Variants in MTERF4 observed in about 807,000 individuals in gnomAD.
MTERF4 encodes the protein transcription termination factor 4, mitochondrial.
A neutral mutation model predicts 22.5 loss-of-function variants in MTERF4; 17 were observed. The ratio of observed to expected loss-of-function variants is 0.75; its 90% CI spans 0.52 to 1.13. The LOEUF is 1.13. Ranked by LOEUF, MTERF4 falls within the 50% of genes most tolerant of loss-of-function variation. The probability of loss-of-function intolerance (pLI) is 0.00; values close to 1 mark genes in which losing one functional copy is unlikely to be tolerated. For synonymous variants in MTERF4, 165 were observed against 175.3 expected, an observed-to-expected ratio of 0.94 and a Z score of 0.47; for missense variants, 420 against 466.8, an observed-to-expected ratio of 0.90 and a Z score of 0.92.
At chr2:241,065,201 C>A in the MTERF4 span, 1 of 1,284,164 alleles carries the variant, frequency 7.8e-7, no homozygotes, top group Non-Finnish European at 1.1e-6. Context: ...CTGTGTCAGG[C>A]CCAAGAGCCA....
the MTERF4 span, among the ~76,000 whole-genome samples, chr2:241,045,386 C>T: frequency 6.6e-6 from 1 of 152,132 alleles, no homozygotes; most frequent in Non-Finnish European, 1.5e-5. Flanking sequence ...AATCACACTA[C>T]TGAGTATTAA....
the MTERF4 span, chr2:241,052,284 G>A: frequency 6.9e-7 from 1 of 1,455,208 alleles, no homozygotes; most frequent in Non-Finnish European, 9.5e-7. Context: ...GGTGCAGGAG[G>A]CAGGATGCCC....
intron 4 of MTERF4, chr2:241,081,727 G>A (rs761417951): frequency 2.5e-6 from 4 of 1,609,866 alleles, no homozygotes; most frequent in South Asian, 2.2e-5. Flanking sequence ...AGGCACTTGT[G>A]TGCCGGGCGC....
At chr2:241,069,646 G>A (rs914721061), downstream of MTERF4, among the ~76,000 whole-genome samples, 6 of 152,194 alleles carry the variant, frequency 3.9e-5, no homozygotes, top group Non-Finnish European at 8.8e-5. This position sits in a 1 kb window ranked among gnomAD's most constrained non-coding sequence, Gnocchi z 4.9. Flanking sequence ...GTGCCGCAGG[G>A]AGGGCGCCAG....
chr2:241,064,802 T>G, the MTERF4 span: 2 of 1,420,672 alleles, frequency 1.4e-6, no homozygotes, highest in African/African-American at 3.0e-5. This position sits in a 1 kb window ranked among gnomAD's most constrained non-coding sequence, Gnocchi z 7.0. Flanking sequence ...CAGGGACCCC[T>G]GGCCACGCCC....
chr2:241,062,720 C>T, the MTERF4 span: 3 of 980,222 alleles, frequency 3.1e-6, no homozygotes, highest in East Asian at 7.8e-5. Context: ...CCCCTCAGGA[C>T]TAGTTTATGT....
chr2:241,065,214 C>A, the MTERF4 span: 1 of 1,423,168 alleles, frequency 7.0e-7, no homozygotes, highest in Non-Finnish European at 9.6e-7. Context: ...AAGAGCCAGA[C>A]CCGGCTGAGC....
chr2:241,071,206 C>G (rs528051814), downstream of MTERF4, among the ~76,000 whole-genome samples: 144 of 152,302 alleles, frequency 9.5e-4, no homozygotes, highest in African/African-American at 3.3e-3. Flanking sequence ...CAGGAGGCCA[C>G]TGGGGAGAAG....
At chr2:241,087,888 C>A, downstream of MTERF4, 1 of 427,036 alleles carries the variant, frequency 2.3e-6, no homozygotes, top group Non-Finnish European at 4.0e-6. Context: ...TACTGTTTGG[C>A]GTTTGCTGAA....
downstream of MTERF4, chr2:241,087,917 T>G (rs1239129886): frequency 2.4e-6 from 1 of 417,140 alleles, no homozygotes; most frequent in Non-Finnish European, 4.2e-6. Flanking sequence ...GTGAGAATAT[T>G]ATATGCTTTA....
the MTERF4 span, chr2:241,062,659 T>C: frequency 1.4e-6 from 1 of 714,162 alleles, no homozygotes; most frequent in Non-Finnish European, 2.5e-6. Context: ...TATCCAGCCC[T>C]GGTCTCTGGC....
intron 1 of MTERF4, among the ~76,000 whole-genome samples, chr2:241,101,711 A>C (rs2064716324): frequency 6.6e-6 from 1 of 152,162 alleles, no homozygotes; most frequent in Non-Finnish European, 1.5e-5. Context: ...GCTTCCTCTT[A>C]ATGAAAAGTA....
At chr2:241,092,565 A>C (rs1344538373), downstream of MTERF4, 2 of 152,174 alleles carry the variant, frequency 1.3e-5, no homozygotes, top group Admixed American at 6.5e-5. The surrounding 1 kb of genome is among the most constrained non-coding windows in gnomAD (Gnocchi z 4.6). Flanking sequence ...AAGACCCCTG[A>C]ATTTTCATGG....
At chr2:241,095,343 C>G (rs2064345732), downstream of MTERF4, 1 of 152,918 alleles carries the variant, frequency 6.5e-6, no homozygotes, top group Non-Finnish European at 1.5e-5. Context: ...CTTCCCCAAA[C>G]AGGAAGGGCC....
At chr2:241,071,657 G>T, downstream of MTERF4, 1 of 1,566,082 alleles carries the variant, frequency 6.4e-7, no homozygotes, top group Non-Finnish European at 8.6e-7. Flanking sequence ...CCCCCGGCGC[G>T]CCTGCCGGAG....
At chr2:241,092,190 GCGTGTTTATGACGCT>G (rs2064068463), downstream of MTERF4, 1 of 152,238 alleles carries the variant, frequency 6.6e-6, no homozygotes, top group African/African-American at 2.4e-5. The surrounding 1 kb of genome is among the most constrained non-coding windows in gnomAD (Gnocchi z 4.6). Context: ...TGGTCCTCCA[GCGTGTTTATGACGCT>G]CGTGCAGGTC....
At chr2:241,055,721 A>T in the MTERF4 span, among the ~76,000 whole-genome samples, 2 of 152,250 alleles carry the variant, frequency 1.3e-5, no homozygotes, top group African/African-American at 4.8e-5. Context: ...CTCAGCACCT[A>T]CCAGGTCTCA....
the MTERF4 span, among the ~76,000 whole-genome samples, chr2:241,054,430 G>A: frequency 6.6e-6 from 1 of 152,166 alleles, no homozygotes; most frequent in African/African-American, 2.4e-5. Flanking sequence ...CTAGCCCGGC[G>A]TGGTGGCACA....
At chr2:241,055,222 G>A in the MTERF4 span, among the ~76,000 whole-genome samples, 2 of 152,158 alleles carry the variant, frequency 1.3e-5, no homozygotes, top group Non-Finnish European at 2.9e-5. Flanking sequence ...TAAAGGATAA[G>A]TGGCTAGGGA....
Sources: gnomAD v4.1 joint callset for allele counts (sites outside exome capture counted in the v4.1 genomes callset) on GRCh38, gnomAD v4.1.1 for gene constraint, Gnocchi (gnomAD v3.1) non-coding constraint, MANE v1.5 for transcripts, NCBI Gene and HGNC (gene_info 2026-07-23, HGNC 2026-07-21) for gene names.